The following GUCY1A2 variants were observed in gnomAD, a reference collection of about 807,000 sequenced individuals.
GUCY1A2 encodes the protein guanylate cyclase 1 soluble subunit alpha 2, also known as guanylate cyclase soluble subunit alpha-2.
A neutral mutation model predicts 63.5 loss-of-function variants in GUCY1A2; 27 were observed. The ratio of observed to expected loss-of-function variants is 0.43; its 90% confidence interval spans 0.31 to 0.59. The LOEUF (loss-of-function observed/expected upper bound fraction) is 0.59. Ranked by LOEUF, GUCY1A2 falls within the 20% of genes least tolerant of loss-of-function variation. The pLI, the probability that GUCY1A2 is intolerant of heterozygous loss-of-function variation, is 0.11. For missense variants in GUCY1A2, 768 were observed against 913.3 expected, an observed-to-expected ratio of 0.84 and a Z score of 2.05; for synonymous variants, 364 against 343.5, an observed-to-expected ratio of 1.06 and a Z score of -0.66.
At chr11:106,790,480 A>G (rs1803879345) in intron 5 of GUCY1A2, among the ~76,000 whole-genome samples, 1 of 152,204 alleles carries the variant, frequency 6.6e-6, no homozygotes, top group African/African-American at 2.4e-5. Context: ...TTATTGCTCT[A>G]CCTTACTGGG....
At chr11:106,820,663 G>T (rs1294301423) in intron 4 of GUCY1A2, among the ~76,000 whole-genome samples, 2 of 152,164 alleles carry the variant, frequency 1.3e-5, no homozygotes, top group African/African-American at 4.8e-5. Context: ...CTCCCAAAGT[G>T]CCGGGATTAT....
chr11:107,014,793 A>G (rs1861797672), intron 1 of GUCY1A2, among the ~76,000 whole-genome samples: 1 of 152,208 alleles, frequency 6.6e-6, no homozygotes. Context: ...CATGGCAAGT[A>G]CAGTTTCTCC....
chr11:106,740,389 T>C (rs549912561), intron 6 of GUCY1A2, among the ~76,000 whole-genome samples: 23 of 152,262 alleles, frequency 1.5e-4, no homozygotes, highest in Admixed American at 1.4e-3. Context: ...GCTTAAAATA[T>C]TTTCTGGATA....
At position 106,843,764 on chromosome 11, in the gene GUCY1A2, C is replaced by A. The variant is rs577367726; in HGVS notation, c.1207-33286G>T. Among the ~76,000 whole-genome samples, 71 of 151,966 alleles carry A rather than the reference C, an allele frequency of 4.7e-4. 1 individual carries two copies. In the South Asian group the frequency reaches 0.015, roughly 31 times the overall value. ...AGAGACACAACTAGAATTTAGTTCT[C>A]CTGACACAATACTAATTATTCTTAC... On this transcript the variant is annotated intron_variant, in intron 4 of 7. Coordinates refer to ENST00000526355, the MANE Select transcript of GUCY1A2 (RefSeq NM_000855.3).
chr11:106,808,088 C>T (rs1156843345), intron 5 of GUCY1A2, among the ~76,000 whole-genome samples: 1 of 152,146 alleles, frequency 6.6e-6, no homozygotes, highest in African/African-American at 2.4e-5. Context: ...AATAAACTCC[C>T]TTTCATATAT....
intron 1 of GUCY1A2, among the ~76,000 whole-genome samples, chr11:106,999,705 C>T (rs1218524882): frequency 6.6e-6 from 1 of 152,034 alleles, no homozygotes; most frequent in Non-Finnish European, 1.5e-5. Context: ...CTTGGGGTAA[C>T]TTGTAGTACA....
intron 3 of GUCY1A2, among the ~76,000 whole-genome samples, chr11:106,941,413 C>A (rs1389799132): frequency 6.6e-6 from 1 of 152,144 alleles, no homozygotes; most frequent in African/African-American, 2.4e-5. Flanking sequence ...ATAACACATA[C>A]AAAAGATTTT....
intron 1 of GUCY1A2, among the ~76,000 whole-genome samples, chr11:107,001,344 A>T (rs17654212): frequency 0.034 from 5,128 of 152,316 alleles, 133 homozygotes; most frequent in Middle Eastern, 0.071. Flanking sequence ...TCATGTAGAC[A>T]GAACTTATTT....
At chr11:106,862,256 C>T (rs985422725) in intron 4 of GUCY1A2, among the ~76,000 whole-genome samples, 2 of 151,910 alleles carry the variant, frequency 1.3e-5, no homozygotes, top group African/African-American at 4.8e-5. Flanking sequence ...AAACAAGTTC[C>T]TAAGTTTCTC....
chr11:106,857,833 C>T (rs750479693), intron 4 of GUCY1A2, among the ~76,000 whole-genome samples: 6 of 151,978 alleles, frequency 3.9e-5, no homozygotes, highest in Non-Finnish European at 5.9e-5. Flanking sequence ...AAAATATACA[C>T]GAGGATATGC....
chr11:106,967,021 G>A (rs1489092049), intron 3 of GUCY1A2, among the ~76,000 whole-genome samples: 3 of 152,174 alleles, frequency 2.0e-5, no homozygotes, highest in African/African-American at 7.2e-5. Flanking sequence ...CTCATAAAAT[G>A]GTGTGGGGAA....
intron 5 of GUCY1A2, among the ~76,000 whole-genome samples, chr11:106,800,569 T>C (rs1175647308): frequency 6.6e-6 from 1 of 152,084 alleles, no homozygotes; most frequent in African/African-American, 2.4e-5. Flanking sequence ...TAAAAAAGGA[T>C]GAGTTCATGT....
intron 6 of GUCY1A2, among the ~76,000 whole-genome samples, chr11:106,773,716 A>T (rs1864299302): frequency 6.6e-6 from 1 of 152,190 alleles, no homozygotes; most frequent in Non-Finnish European, 1.5e-5. Flanking sequence ...GTAGGGAGAA[A>T]TGCTTATGAT....
chr11:106,963,272 A>G (rs1034474803), intron 3 of GUCY1A2, among the ~76,000 whole-genome samples: 3 of 152,202 alleles, frequency 2.0e-5, no homozygotes, highest in African/African-American at 7.2e-5. Context: ...GAATTCAAGG[A>G]AAGTATTTGG....
rs1192026095 is a variant in GUCY1A2 at position 106,992,119 on chromosome 11, A to G, written c.304-5988T>C. On this transcript the variant is annotated intron_variant, in intron 1 of 7. Transcript: ENST00000526355. ...TAACCTTCAACCTTTACTGCACACA[A>G]TATTTAATGTTTTTTATTTGGTTGA... Among the ~76,000 whole-genome samples the G allele has an allele frequency of 3.3e-5, 5 of 152,230 alleles. No homozygotes were observed. The East Asian group carries it at 9.6e-4, about 29-fold the overall frequency.
Position 106,684,545 on chromosome 11 carries a change from T to C in GUCY1A2, c.*3004A>G, listed in dbSNP as rs896391926. The C allele has an allele frequency of 3.0e-5, 6 of 197,134 alleles. No homozygotes were observed. The highest frequency in any genetic ancestry group is 1.4e-4 in the African/African-American group (6 of 43,368). 12.2% of individuals were successfully genotyped at this position (197,134 alleles called of 1,614,324 possible). On this transcript the variant is annotated 3_prime_UTR_variant, in exon 8 of 8. Transcript: ENST00000526355. ...GGGGATTCTGATTTTGTTAGATAAC[T>C]GATTTATTTGCAAATGATGACATTC...
intron 6 of GUCY1A2, among the ~76,000 whole-genome samples, chr11:106,764,567 T>C: frequency 6.6e-6 from 1 of 152,240 alleles, no homozygotes; most frequent in Non-Finnish European, 1.5e-5. Context: ...TACAGGCATA[T>C]TTCACAAATA....
At chr11:106,945,653 T>C (rs1860817377) in intron 3 of GUCY1A2, among the ~76,000 whole-genome samples, 1 of 152,200 alleles carries the variant, frequency 6.6e-6, no homozygotes, top group Non-Finnish European at 1.5e-5. Context: ...ACAGTTGTAG[T>C]ATGAACATTA....
At chr11:106,903,930 C>T (rs1371377819) in intron 4 of GUCY1A2, among the ~76,000 whole-genome samples, 2 of 152,080 alleles carry the variant, frequency 1.3e-5, no homozygotes, top group African/African-American at 4.8e-5. Flanking sequence ...AGTATTTTTC[C>T]AATCCAGCTC....
Sources: allele counts gnomAD v4.1 joint callset (sites outside exome capture counted in the v4.1 genomes callset), GRCh38; gene constraint gnomAD v4.1.1; transcripts MANE v1.5; gene names NCBI Gene and HGNC (gene_info 2026-07-23, HGNC 2026-07-21).